The following GRB2 variants were observed in gnomAD, a reference collection of about 807,000 sequenced individuals.
GRB2 encodes the protein growth factor receptor-bound protein 2.
In GRB2, 2 loss-of-function variants were observed where a neutral mutation model predicts 27.4. The observed-to-expected ratio is 0.07, with a 90% CI of 0.03 to 0.23. The LOEUF is 0.23. Ranked by LOEUF, GRB2 falls within the 10% of genes least tolerant of loss-of-function variation. The probability of loss-of-function intolerance (pLI) is 1.00; values close to 1 mark genes in which losing one functional copy is unlikely to be tolerated. For missense variants in GRB2, 102 were observed against 282.4 expected, an observed-to-expected ratio of 0.36 and a Z score of 4.58; for synonymous variants, 94 against 99.6, an observed-to-expected ratio of 0.94 and a Z score of 0.33.
intron 2 of GRB2, among the ~76,000 whole-genome samples, chr17:75,345,101 T>C (rs1188676501): frequency 6.6e-6 from 1 of 152,068 alleles, no homozygotes; most frequent in African/African-American, 2.4e-5. Flanking sequence ...TGGAGTGCAG[T>C]GGCGCAATCT....
At chr17:75,391,807 C>CAAAAA (rs60382091) in intron 2 of GRB2, among the ~76,000 whole-genome samples, 1 of 121,840 alleles carries the variant, frequency 8.2e-6, no homozygotes, top group Non-Finnish European at 1.6e-5. Context: ...GACTCCATCT[C>CAAAAA]AAAAAAAAAA....
At chr17:75,374,403 C>A (rs1373690516) in intron 2 of GRB2, among the ~76,000 whole-genome samples, 89 of 88,770 alleles carry the variant, frequency 1.0e-3, no homozygotes, top group South Asian at 1.7e-3. Flanking sequence ...GACTCCATAT[C>A]AAAAAAAAAA....
At chr17:75,392,289 G>C (rs2079003450) in intron 2 of GRB2, among the ~76,000 whole-genome samples, 1 of 152,204 alleles carries the variant, frequency 6.6e-6, no homozygotes, top group Non-Finnish European at 1.5e-5. Flanking sequence ...CCCTCGAAAA[G>C]TGTGGTGTCA....
chr17:75,326,265 T>C (rs1315873970), intron 3 of GRB2: 3 of 511,162 alleles, frequency 5.9e-6, no homozygotes, highest in South Asian at 4.3e-5. Flanking sequence ...GGTCACTCTT[T>C]CTATAGAGGG....
At chr17:75,358,700 T>TAAAAAA (rs71159497) in intron 2 of GRB2, among the ~76,000 whole-genome samples, 1 of 66,298 alleles carries the variant, frequency 1.5e-5, no homozygotes, top group African/African-American at 4.5e-5. Flanking sequence ...CCATCTCTAC[T>TAAAAAA]AAAAAAAAAA....
At chr17:75,328,176 T>C (rs1430822538) in intron 3 of GRB2, among the ~76,000 whole-genome samples, 4 of 147,192 alleles carry the variant, frequency 2.7e-5, no homozygotes, top group African/African-American at 5.1e-5. Context: ...ATACAAAAAT[T>C]AGATGGGCAC....
intron 2 of GRB2, among the ~76,000 whole-genome samples, chr17:75,360,764 C>T (rs116523469): frequency 2.1e-3 from 316 of 152,176 alleles, no homozygotes; most frequent in African/African-American, 7.5e-3. Context: ...TCCTATGATG[C>T]TATGTTCTTT....
intron 2 of GRB2, among the ~76,000 whole-genome samples, chr17:75,362,337 G>A (rs1411411694): frequency 6.6e-6 from 1 of 152,058 alleles, no homozygotes; most frequent in African/African-American, 2.4e-5. Flanking sequence ...TTTATGTACT[G>A]TACTGTTTAT....
At chr17:75,392,925 T>C (rs1340239499) in intron 2 of GRB2, among the ~76,000 whole-genome samples, 1 of 152,214 alleles carries the variant, frequency 6.6e-6, no homozygotes. Flanking sequence ...GAGTTTAATA[T>C]GGGGTAATTG....
At chr17:75,383,795 C>T (rs956459717) in intron 2 of GRB2, among the ~76,000 whole-genome samples, 14 of 152,070 alleles carry the variant, frequency 9.2e-5, no homozygotes, top group African/African-American at 3.1e-4. Context: ...TCAGCCAAGA[C>T]AGCACCACTA....
At chr17:75,374,881 T>C (rs954809399) in intron 2 of GRB2, among the ~76,000 whole-genome samples, 3 of 152,172 alleles carry the variant, frequency 2.0e-5, no homozygotes, top group Non-Finnish European at 4.4e-5. Context: ...TTCAGATTCA[T>C]GCATTTAAAT....
rs528647746 is a variant in GRB2 at position 75,329,962 on chromosome 17, C to T, written c.176+2738G>A. 2.8e-4 allele frequency among the ~76,000 whole-genome samples: 42 copies of T among 152,188 alleles called. 1 individual carries two copies. Among genetic ancestry groups the T allele is most frequent in the Non-Finnish European group, 4.9e-4 (33 of 68,006 alleles). ...ATATGTACATGTGACTACATGCTTA[C>T]GGGTGAATTTTTTTTATTTTTTATT... On this transcript the variant is annotated intron_variant, in intron 3 of 5. Transcript: ENST00000316804.
At chr17:75,377,443 G>A (rs753435822) in intron 2 of GRB2, among the ~76,000 whole-genome samples, 1 of 151,156 alleles carries the variant, frequency 6.6e-6, no homozygotes, top group Non-Finnish European at 1.5e-5. Context: ...CAACATGGCG[G>A]GATCTTGTTT....
chr17:75,365,677 G>A (rs565588626), intron 2 of GRB2, among the ~76,000 whole-genome samples: 1 of 152,124 alleles, frequency 6.6e-6, no homozygotes, highest in Non-Finnish European at 1.5e-5. Flanking sequence ...ATGGAACTAT[G>A]GGGGATAGAA....
chr17:75,338,910 G>A, intron 2 of GRB2: 1 of 897,680 alleles, frequency 1.1e-6, no homozygotes, highest in Admixed American at 1.7e-5. Flanking sequence ...AGTACAAGAA[G>A]GGAAAGGATT....
rs1598231218 is a variant in GRB2 at position 75,350,293 on chromosome 17, A to G, written c.79-17496T>C. ...TATGAGTGAGTGCCTATTTTGAGTTAGGAGCTATGCTAGGTCCTGGGGATA... is the reference window on the plus strand; with the variant it reads ...TATGAGTGAGTGCCTATTTTGAGTTGGGAGCTATGCTAGGTCCTGGGGATA... On this transcript the variant is annotated intron_variant, in intron 2 of 5. Transcript: ENST00000316804. Among the ~76,000 whole-genome samples the G allele has an allele frequency of 2.0e-5, 3 of 150,942 alleles. No homozygotes were observed. The Middle Eastern group carries it at 0.01, about 524-fold the overall frequency.
intron 2 of GRB2, among the ~76,000 whole-genome samples, chr17:75,383,291 T>C (rs781347841): frequency 6.6e-6 from 1 of 152,170 alleles, no homozygotes; most frequent in African/African-American, 2.4e-5. Context: ...CTATTTGCTA[T>C]AGATGTGTAA....
intron 1 of GRB2, among the ~76,000 whole-genome samples, chr17:75,401,803 G>C (rs1468785841): frequency 1.3e-5 from 2 of 152,244 alleles, no homozygotes; most frequent in Non-Finnish European, 2.9e-5. Context: ...CTTGGCAGAA[G>C]TCTCTGGCTC....
chr17:75,357,796 C>T (rs1305952839), intron 2 of GRB2, among the ~76,000 whole-genome samples: 1 of 152,214 alleles, frequency 6.6e-6, no homozygotes, highest in Non-Finnish European at 1.5e-5. Context: ...TGGCAGGCGC[C>T]TGTAATCCCA....
Sources: allele counts gnomAD v4.1 joint callset (sites outside exome capture counted in the v4.1 genomes callset), GRCh38; gene constraint gnomAD v4.1.1; transcripts MANE v1.5; gene names NCBI Gene and HGNC (gene_info 2026-07-23, HGNC 2026-07-21).